The following EXOSC7 variants were observed in gnomAD, a reference collection of about 807,000 sequenced individuals.
EXOSC7 encodes the protein exosome component 7.
In EXOSC7, 25 loss-of-function variants were observed where a neutral mutation model predicts 34.3. That is an observed-to-expected ratio of 0.73 (90% CI 0.53 to 1.02). The LOEUF (loss-of-function observed/expected upper bound fraction) is 1.02, where lower values mean the gene tolerates loss of function less well. Among genes scored for constraint, EXOSC7 ranks in the 50% least tolerant of loss-of-function variants. The pLI is 0.00. For missense variants in EXOSC7, 370 were observed against 368.5 expected, an observed-to-expected ratio of 1.00 and a Z score of -0.03; for synonymous variants, 130 against 143.0, an observed-to-expected ratio of 0.91 and a Z score of 0.65.
chr3:44,989,962 T>C (rs1261378864), intron 3 of EXOSC7, among the ~76,000 whole-genome samples: 7 of 152,226 alleles, frequency 4.6e-5, no homozygotes, highest in African/African-American at 1.2e-4. Flanking sequence ...TTGAAAAATA[T>C]ACACAGTAAG....
intron 1 of EXOSC7, among the ~76,000 whole-genome samples, chr3:44,987,033 T>A (rs1706438890): frequency 6.7e-6 from 1 of 148,326 alleles, no homozygotes; most frequent in African/African-American, 2.5e-5. Context: ...TTACAAAGAA[T>A]GAGAAGGAGC....
intron 1 of EXOSC7, among the ~76,000 whole-genome samples, chr3:44,982,288 T>G (rs1054901835): frequency 1.3e-5 from 2 of 152,232 alleles, no homozygotes; most frequent in African/African-American, 4.8e-5. Context: ...CCCTTTGGAT[T>G]ATATGCCTTT....
chr3:44,979,673 G>A (rs1229291078), intron 1 of EXOSC7, among the ~76,000 whole-genome samples: 2 of 151,926 alleles, frequency 1.3e-5, no homozygotes, highest in African/African-American at 4.8e-5. Context: ...AAAAAATGTG[G>A]TTCCTTCCCA....
chr3:44,978,464 G>A (rs1291523673), intron 1 of EXOSC7, among the ~76,000 whole-genome samples: 2 of 152,096 alleles, frequency 1.3e-5, no homozygotes, highest in African/African-American at 4.8e-5. Context: ...CTAGACTCAG[G>A]GGCTAGGAAG....
intron 1 of EXOSC7, among the ~76,000 whole-genome samples, chr3:44,988,465 GA>G (rs1437132294): frequency 6.6e-6 from 1 of 152,162 alleles, no homozygotes; most frequent in Non-Finnish European, 1.5e-5. Flanking sequence ...TCCTGTAAAG[GA>G]CTGGATAGTA....
At chr3:45,007,188 C>T (rs2125973805) in intron 6 of EXOSC7, among the ~76,000 whole-genome samples, 1 of 152,334 alleles carries the variant, frequency 6.6e-6, no homozygotes, top group South Asian at 2.1e-4. Context: ...TTTTAAACCA[C>T]CTTGCCCTGT....
chr3:44,998,302 C>T (rs888343417), intron 4 of EXOSC7, among the ~76,000 whole-genome samples: 14 of 151,752 alleles, frequency 9.2e-5, no homozygotes, highest in African/African-American at 1.9e-4. Flanking sequence ...TCCCAAAGTG[C>T]GGGGATTACA....
At position 44,986,220 on chromosome 3, in the gene EXOSC7, T is replaced by TG. The variant is rs1463925373; in HGVS notation, c.58-2917dup. On this transcript the variant is annotated intron_variant, in intron 1 of 7. Coordinates refer to ENST00000265564, the MANE Select transcript of EXOSC7 (RefSeq NM_015004.4). Reference sequence around the variant, plus strand: ...ACACAGGAGCACCCATGGGTGGGGGTGGGAGGGCGGGGAGGCTCCCGCATG... The same window carrying TG: ...ACACAGGAGCACCCATGGGTGGGGGTGGGGAGGGCGGGGAGGCTCCCGCATG... Among the ~76,000 whole-genome samples, 8 of 6,810 alleles carry TG rather than the reference T, an allele frequency of 1.2e-3. No homozygotes were observed. In the South Asian group the frequency reaches 0.012, roughly 10 times the overall value. 4.5% of individuals were successfully genotyped at this position (6,810 alleles called of 152,430 possible).
At chr3:45,006,126 G>A (rs554499468) in intron 6 of EXOSC7, among the ~76,000 whole-genome samples, 99 of 129,788 alleles carry the variant, frequency 7.6e-4, no homozygotes, top group Middle Eastern at 5.0e-3. Context: ...CGCCCAGGCT[G>A]GAGTGCAATG....
intron 4 of EXOSC7, among the ~76,000 whole-genome samples, chr3:44,998,281 C>A (rs1375838545): frequency 6.6e-6 from 1 of 152,100 alleles, no homozygotes; most frequent in Non-Finnish European, 1.5e-5. Context: ...AGTGATCCAC[C>A]TGCCTCGGCC....
chr3:44,999,779 T>C (rs1384694196), intron 4 of EXOSC7, among the ~76,000 whole-genome samples: 2 of 152,228 alleles, frequency 1.3e-5, no homozygotes, highest in Non-Finnish European at 2.9e-5. Flanking sequence ...GGCCGATCCA[T>C]TTTTTGGCAT....
At chr3:45,012,483 T>C (rs11547236), downstream of EXOSC7, 15,788 of 152,172 alleles carry the variant, frequency 0.1, 864 homozygotes, top group Middle Eastern at 0.18. Context: ...GCCTGGGTTT[T>C]CATCTTTTAT....
downstream of EXOSC7, among the ~76,000 whole-genome samples, chr3:45,011,946 C>G (rs1257918811): frequency 1.3e-5 from 2 of 152,154 alleles, no homozygotes; most frequent in Non-Finnish European, 2.9e-5. Flanking sequence ...TTTGAAATTG[C>G]TTTGTGTTTT....
rs1381110825 is a variant in EXOSC7, at chr3:44,976,421, G to A, written c.57+87G>A. On this transcript the variant is annotated intron_variant, in intron 1 of 7. Coordinates refer to ENST00000265564, the MANE Select transcript of EXOSC7 (RefSeq NM_015004.4). The stretch of plus-strand genomic sequence containing the variant: ...CTGCCCTGGGTTTGCCAGTGAGGAG[G>A]CAGCCGAGCTGCGGCGACTCTCCGT... 3.4e-6 allele frequency: 4 copies of A among 1,176,994 alleles called. No homozygotes were observed. The East Asian group carries it at 1.2e-4, about 36-fold the overall frequency. 72.9% of individuals were successfully genotyped at this position (1,176,994 alleles called of 1,614,324 possible). A position where few individuals can be genotyped will look rare whatever the true frequency, so the allele number is the denominator to read the frequency against.
At chr3:44,997,281 A>T in intron 4 of EXOSC7, 29 bp downstream of exon 4, 3 of 1,571,284 alleles carry the variant, frequency 1.9e-6, no homozygotes, top group Admixed American at 1.7e-5. Context: ...TACTGGCCAC[A>T]TTCTACCTTT....
rs1323607758 is a variant in EXOSC7, at chr3:44,987,815, A to G, written c.58-1325A>G. Among the ~76,000 whole-genome samples, 4 of 152,248 alleles carry G rather than the reference A, an allele frequency of 2.6e-5. No individual in the cohort carries two copies. In the East Asian group the frequency reaches 5.8e-4, roughly 22 times the overall value. On this transcript the variant is annotated intron_variant, in intron 1 of 7. Coordinates refer to ENST00000265564, the MANE Select transcript of EXOSC7 (RefSeq NM_015004.4). ...CAAATACAGAAATACATGTTAGATA[A>G]TAAGAGCCAGCTTTCTCCTTCTTTG...
intron 1 of EXOSC7, among the ~76,000 whole-genome samples, chr3:44,979,677 C>T (rs1191401980): frequency 6.6e-6 from 1 of 151,902 alleles, no homozygotes; most frequent in African/African-American, 2.4e-5. Flanking sequence ...AATGTGGTTC[C>T]TTCCCAGTTC....
chr3:45,001,509 T>A (rs1706878586), intron 4 of EXOSC7, 29 bp from the exon 5 acceptor site: 3 of 1,577,506 alleles, frequency 1.9e-6, no homozygotes, highest in Admixed American at 1.7e-5. Flanking sequence ...CTTGGTTTTT[T>A]TTCCTTTTTC....
intron 1 of EXOSC7, among the ~76,000 whole-genome samples, chr3:44,987,743 CAG>C (rs1481920736): frequency 6.6e-6 from 1 of 152,216 alleles, no homozygotes; most frequent in African/African-American, 2.4e-5. Context: ...TTGTTTCTCA[CAG>C]GGGTATGGGT....
Sources: gnomAD v4.1 joint callset for allele counts (sites outside exome capture counted in the v4.1 genomes callset) on GRCh38, gnomAD v4.1.1 for gene constraint, MANE v1.5 for transcripts, NCBI Gene and HGNC (gene_info 2026-07-23, HGNC 2026-07-21) for gene names.